The following TEAD1 variants were observed in gnomAD, a reference collection of about 807,000 sequenced individuals.
TEAD1 encodes the protein TEA domain transcription factor 1.
TEAD1 carries 9 observed loss-of-function variants against 54.9 expected under a neutral mutation model. The ratio of observed to expected loss-of-function variants is 0.16; its 90% CI spans 0.10 to 0.29. TEAD1 has a LOEUF of 0.29. Ranked by LOEUF, TEAD1 falls within the 10% of genes least tolerant of loss-of-function variation. The pLI, the probability that TEAD1 is intolerant of heterozygous loss-of-function variation, is 1.00. For missense variants in TEAD1, 387 were observed against 535.9 expected (o/e 0.72, Z 2.74); for synonymous variants, 200 against 187.8 (o/e 1.07, Z -0.53).
intron 5 of TEAD1, among the ~76,000 whole-genome samples, chr11:12,876,012 G>A (rs533069505): frequency 1.3e-5 from 2 of 152,290 alleles, no homozygotes; most frequent in South Asian, 2.1e-4. Context: ...GGCAGGGACA[G>A]GTTTGAAGCC....
chr11:12,893,262 G>T (rs1256085950), intron 9 of TEAD1, among the ~76,000 whole-genome samples: 4 of 152,128 alleles, frequency 2.6e-5, no homozygotes, highest in Non-Finnish European at 1.5e-5. Context: ...TCCAAGCCTG[G>T]TCTTCCAGCA....
At chr11:12,836,246 C>T (rs1590197589) in intron 3 of TEAD1, among the ~76,000 whole-genome samples, 1 of 151,998 alleles carries the variant, frequency 6.6e-6, no homozygotes, top group South Asian at 2.1e-4. Flanking sequence ...CGGTGAAACC[C>T]TGTCTCTACT....
chr11:12,752,941 G>A (rs1325292872), intron 2 of TEAD1, among the ~76,000 whole-genome samples: 2 of 151,830 alleles, frequency 1.3e-5, no homozygotes, highest in East Asian at 1.9e-4. Context: ...CTGGGCTCAG[G>A]TGATCCTCCT....
intron 2 of TEAD1, among the ~76,000 whole-genome samples, chr11:12,710,922 A>C (rs1943923350): frequency 6.6e-6 from 1 of 152,160 alleles, no homozygotes. Flanking sequence ...ATGGCATTGC[A>C]GGCAGAGGGC....
intron 12 of TEAD1, 90 bp downstream of exon 12, chr11:12,930,416 G>A: frequency 1.3e-6 from 2 of 1,522,112 alleles, no homozygotes; most frequent in Non-Finnish European, 1.8e-6. Flanking sequence ...CGCTGGGCCT[G>A]CGCCGAGGGA....
rs761829953 is a variant in TEAD1 at position 12,877,694 on chromosome 11, G to T, written c.331-2014G>T. On this transcript the variant is annotated intron_variant, in intron 5 of 12. Transcript: ENST00000527636. ...AAAGAAGAAATTAATGGAAGTGTTA[G>T]GCTCCGTTTTCTTTTTCCCCCCTCC... Among the ~76,000 whole-genome samples the T allele has an allele frequency of 9.0e-4, 137 of 151,678 alleles. 1 individual carries two copies. Among genetic ancestry groups the T allele is most frequent in the Non-Finnish European group, 1.5e-3 (102 of 67,916 alleles).
At chr11:12,924,043 C>T (rs1033823834) in intron 10 of TEAD1, among the ~76,000 whole-genome samples, 1 of 152,192 alleles carries the variant, frequency 6.6e-6, no homozygotes, top group African/African-American at 2.4e-5. Context: ...TATCCATTTC[C>T]TACAAAATAC....
chr11:12,883,591 T>G (rs1338667188), intron 9 of TEAD1, among the ~76,000 whole-genome samples: 1 of 152,168 alleles, frequency 6.6e-6, no homozygotes, highest in Non-Finnish European at 1.5e-5. Context: ...AGTTAATCTC[T>G]GATGGATTAG....
At chr11:12,900,515 A>G (rs1021976161) in intron 9 of TEAD1, among the ~76,000 whole-genome samples, 7 of 152,176 alleles carry the variant, frequency 4.6e-5, no homozygotes, top group East Asian at 3.9e-4. Context: ...CCCTGTAACA[A>G]TCCAGTGAAG....
chr11:12,807,935 GC>G (rs1317969347), intron 3 of TEAD1, among the ~76,000 whole-genome samples: 1 of 152,162 alleles, frequency 6.6e-6, no homozygotes, highest in Admixed American at 6.5e-5. Flanking sequence ...GTCCTAAGTA[GC>G]CCGAGTCCTA....
At chr11:12,691,010 C>T (rs951962585) in intron 2 of TEAD1, among the ~76,000 whole-genome samples, 2 of 152,222 alleles carry the variant, frequency 1.3e-5, no homozygotes, top group African/African-American at 4.8e-5. Flanking sequence ...CTCGGCTTCC[C>T]AAATTGCTGA....
intron 3 of TEAD1, among the ~76,000 whole-genome samples, chr11:12,821,642 A>G (rs528072830): frequency 6.6e-6 from 1 of 152,142 alleles, no homozygotes; most frequent in Non-Finnish European, 1.5e-5. Flanking sequence ...TAGTGTAGGA[A>G]CATCTTAATT....
At chr11:12,936,254 T>G (rs986359990) in intron 12 of TEAD1, among the ~76,000 whole-genome samples, 12 of 152,114 alleles carry the variant, frequency 7.9e-5, no homozygotes, top group African/African-American at 2.7e-4. Flanking sequence ...TGGAGGGAGC[T>G]GCAATGATTT....
chr11:12,842,669 T>C (rs1947064827), intron 3 of TEAD1, among the ~76,000 whole-genome samples: 1 of 152,216 alleles, frequency 6.6e-6, no homozygotes, highest in African/African-American at 2.4e-5. Flanking sequence ...GAAGGCCGTT[T>C]CCTTTTTTTC....
At chr11:12,799,542 C>T (rs1376118876) in intron 3 of TEAD1, among the ~76,000 whole-genome samples, 1 of 152,182 alleles carries the variant, frequency 6.6e-6, no homozygotes, top group Non-Finnish European at 1.5e-5. Context: ...AAAAATAAAT[C>T]TCCTACAGTG....
chr11:12,924,870 G>A, intron 10 of TEAD1, 42 bp from the exon 11 acceptor site: 2 of 1,613,436 alleles, frequency 1.2e-6, no homozygotes, highest in Non-Finnish European at 1.7e-6. Context: ...CATGACTCCT[G>A]GGATGAGAGA....
intron 9 of TEAD1, among the ~76,000 whole-genome samples, chr11:12,896,329 C>A (rs973368575): frequency 6.6e-6 from 1 of 152,134 alleles, no homozygotes; most frequent in Admixed American, 6.5e-5. Flanking sequence ...TGGTTGCTGA[C>A]CTGGCTGGTT....
At chr11:12,830,830 G>GT (rs984735173) in intron 3 of TEAD1, among the ~76,000 whole-genome samples, 3 of 152,102 alleles carry the variant, frequency 2.0e-5, no homozygotes, top group African/African-American at 7.2e-5. Context: ...AAACGAGCCA[G>GT]TTTTTTAAAG....
chr11:12,862,172 TTTG>T, intron 3 of TEAD1, 75 bp from the exon 4 acceptor site: 1 of 1,146,800 alleles, frequency 8.7e-7, no homozygotes, highest in South Asian at 1.3e-5. Context: ...GATTCTGAAT[TTTG>T]TTTTTTGCTT....
Sources: gnomAD v4.1 joint callset for allele counts (sites outside exome capture counted in the v4.1 genomes callset) on GRCh38, gnomAD v4.1.1 for gene constraint, MANE v1.5 for transcripts, NCBI Gene and HGNC (gene_info 2026-07-23, HGNC 2026-07-21) for gene names.